Variants in PTPRJ observed in about 807,000 individuals in gnomAD.
The protein encoded by PTPRJ is protein tyrosine phosphatase receptor type J.
A neutral mutation model predicts 141.3 loss-of-function variants in PTPRJ; 129 were observed. That is an observed-to-expected ratio of 0.91 (90% CI 0.79 to 1.06). The LOEUF (loss-of-function observed/expected upper bound fraction) is 1.06, where lower values mean the gene tolerates loss of function less well. PTPRJ is among the 50% of genes least tolerant of loss of function. The pLI is 0.00. For missense variants in PTPRJ, 1,601 were observed against 1,679.7 expected, an observed-to-expected ratio of 0.95 and a Z score of 0.82; for synonymous variants, 610 against 640.5, an observed-to-expected ratio of 0.95 and a Z score of 0.72.
chr11:48,026,729 T>A (rs1853822837), intron 1 of PTPRJ, among the ~76,000 whole-genome samples: 1 of 152,040 alleles, frequency 6.6e-6, no homozygotes, highest in African/African-American at 2.4e-5. Context: ...ATTACAGGTG[T>A]GAGCCACCGT....
At chr11:48,099,723 T>G (rs1202795726) in intron 1 of PTPRJ, among the ~76,000 whole-genome samples, 4 of 152,184 alleles carry the variant, frequency 2.6e-5, no homozygotes, top group Middle Eastern at 3.2e-3. Flanking sequence ...TGAGAGTACC[T>G]GCCCAATGTG....
rs775083245 is a variant in PTPRJ, at chr11:48,131,463, G to A, written c.1615+747G>A. 11 of 767,944 alleles carry A rather than the reference G, an allele frequency of 1.4e-5. No homozygotes were observed. The East Asian group carries it at 2.0e-4, about 14-fold the overall frequency. The allele number at this position is 767,944 out of a possible 1,614,324, so 47.6% of individuals were successfully genotyped here. A position where few individuals can be genotyped will look rare whatever the true frequency, so the allele number is the denominator to read the frequency against. ...TTGTAATCTGCCTTTTCCCCAACTT[G>A]CCAATTAATTATGAATATTCTTTCC... On this transcript the variant is annotated intron_variant, in intron 8 of 24. Transcript: ENST00000418331.
At chr11:47,990,268 A>G (rs1374391502) in intron 1 of PTPRJ, among the ~76,000 whole-genome samples, 1 of 152,194 alleles carries the variant, frequency 6.6e-6, no homozygotes, top group African/African-American at 2.4e-5. Flanking sequence ...AGAACAATGT[A>G]TATATAATGT....
intron 1 of PTPRJ, among the ~76,000 whole-genome samples, chr11:48,006,972 T>C (rs11039489): frequency 0.011 from 1,623 of 152,298 alleles, 25 homozygotes; most frequent in African/African-American, 0.037. Flanking sequence ...TGATAAAGGT[T>C]AGATGATTTT....
rs746215059 is a variant in PTPRJ, at chr11:48,156,026, T to C, written c.3345T>C (p.Pro1115=). The stretch of plus-strand genomic sequence containing the variant: ...AAGATTTTATTGCCACACAAGGACC[T>C]TTACCGAACACTTTGAAAGATTTTT... ...SKKDFIATQG[P]LPNTLKDFWR... Residue 1115 remains proline (P), a synonymous_variant, in exon 21 of 25, where the codon CCT becomes CCC. Coordinates refer to ENST00000418331, the MANE Select transcript of PTPRJ (RefSeq NM_002843.4). 1 of 1,607,582 alleles carries C rather than the reference T, an allele frequency of 6.2e-7. No homozygotes were observed. The highest frequency in any genetic ancestry group is 1.7e-5 in the Admixed American group (1 of 60,016).
chr11:48,075,597 TTG>T (rs374518540), intron 1 of PTPRJ, among the ~76,000 whole-genome samples: 1 of 150,958 alleles, frequency 6.6e-6, no homozygotes. Context: ...TAAATTTTTT[TTG>T]TGTGTGTGTG....
At chr11:48,103,301 A>G (rs1485463072) in intron 1 of PTPRJ, among the ~76,000 whole-genome samples, 1 of 152,138 alleles carries the variant, frequency 6.6e-6, no homozygotes, top group Non-Finnish European at 1.5e-5. Context: ...TCTACAAAAA[A>G]CAAAAATATT....
intron 22 of PTPRJ, among the ~76,000 whole-genome samples, chr11:48,161,839 C>T (rs1313328356): frequency 6.6e-6 from 1 of 152,062 alleles, no homozygotes; most frequent in Non-Finnish European, 1.5e-5. Flanking sequence ...TGGTCTTGAA[C>T]ACCTGACCTT....
rs553439665 is a variant in PTPRJ at position 48,102,545 on chromosome 11, A to T, written c.97-7513A>T. On this transcript the variant is annotated intron_variant, in intron 1 of 24. Coordinates refer to ENST00000418331, the MANE Select transcript of PTPRJ (RefSeq NM_002843.4). ...TGCGTCAGCCTCCCGAGTAGCTAGG[A>T]TTACAGGCCACCATGCCCAGCTAAT... Among the ~76,000 whole-genome samples, 5 of 151,956 alleles carry T rather than the reference A, an allele frequency of 3.3e-5. No individual in the cohort carries two copies. In the South Asian group the frequency reaches 8.3e-4, roughly 25 times the overall value.
At chr11:48,007,468 C>T (rs1364501428) in intron 1 of PTPRJ, among the ~76,000 whole-genome samples, 1 of 151,770 alleles carries the variant, frequency 6.6e-6, no homozygotes, top group Non-Finnish European at 1.5e-5. Flanking sequence ...AGTGCAGTGG[C>T]ACAATCTTGG....
chr11:48,126,815 C>T (rs1046887954), intron 6 of PTPRJ, among the ~76,000 whole-genome samples: 4 of 138,098 alleles, frequency 2.9e-5, no homozygotes, highest in African/African-American at 3.1e-5. Context: ...CACACACACA[C>T]ACACAGATAA....
Position 48,144,798 on chromosome 11 carries a change from A to C in PTPRJ, c.2699A>C (p.Glu900Ala), listed in dbSNP as rs1054768872. The change falls in exon 13 of 25, where the codon GAA becomes GCA. Residue 900 changes from glutamate to alanine, a missense_variant. Coordinates refer to ENST00000418331, the MANE Select transcript of PTPRJ (RefSeq NM_002843.4). ...AAGGGACGTTCTCAGAGCTTGTCTG[A>C]AGTTTTGAAATATGAAATTGACGTT... ...EEKGRSQSLS[E>A]VLKYEIDVGN... 3.1e-6 allele frequency: 5 copies of C among 1,614,206 alleles called. No homozygotes were observed. The highest frequency in any genetic ancestry group is 3.4e-6 in the Non-Finnish European group (4 of 1,180,012).
chr11:47,998,813 A>G (rs1199823013), intron 1 of PTPRJ, among the ~76,000 whole-genome samples: 1 of 152,164 alleles, frequency 6.6e-6, no homozygotes, highest in African/African-American at 2.4e-5. Context: ...TACTTGAATA[A>G]TCTGTCTCAG....
intron 1 of PTPRJ, among the ~76,000 whole-genome samples, chr11:48,053,254 TATATA>T (rs1167813885): frequency 1.2e-5 from 1 of 84,814 alleles, no homozygotes; most frequent in Non-Finnish European, 2.0e-5. Context: ...TTATATAATA[TATATA>T]ATATATTATA....
intron 1 of PTPRJ, among the ~76,000 whole-genome samples, chr11:48,056,227 G>T (rs555662617): frequency 1.3e-5 from 2 of 152,124 alleles, no homozygotes; most frequent in African/African-American, 4.8e-5. Flanking sequence ...GAAGTTAGAC[G>T]CACACATAAT....
chr11:48,139,892 T>G lies in PTPRJ; in HGVS notation c.2443+116T>G, dbSNP rs1857193483. On this transcript the variant is annotated intron_variant, in intron 11 of 24. Coordinates refer to ENST00000418331, the MANE Select transcript of PTPRJ (RefSeq NM_002843.4). The stretch of plus-strand genomic sequence containing the variant: ...TCTGTTTTTGTTTTTTTATTTCCCC[T>G]AAAATATTTGCTTTTACTGACATAG... The G allele has an allele frequency of 2.7e-6, 3 of 1,127,492 alleles. No individual in the cohort carries two copies. The African/African-American group carries it at 4.7e-5, about 18-fold the overall frequency. 69.8% of individuals were successfully genotyped at this position (1,127,492 alleles called of 1,614,324 possible). A position where few individuals can be genotyped will look rare whatever the true frequency, so the allele number is the denominator to read the frequency against.
At chr11:48,009,877 G>A (rs1211175439) in intron 1 of PTPRJ, among the ~76,000 whole-genome samples, 1 of 152,178 alleles carries the variant, frequency 6.6e-6, no homozygotes, top group Non-Finnish European at 1.5e-5. Flanking sequence ...CATGTGCCGT[G>A]GCTCTGATCA....
intron 1 of PTPRJ, among the ~76,000 whole-genome samples, chr11:48,086,467 C>T (rs907094298): frequency 6.6e-6 from 1 of 152,220 alleles, no homozygotes; most frequent in African/African-American, 2.4e-5. Context: ...CCACCGTGCC[C>T]AGCCCAGAAA....
intron 1 of PTPRJ, among the ~76,000 whole-genome samples, chr11:48,072,594 A>G (rs932277739): frequency 3.9e-5 from 6 of 152,194 alleles, no homozygotes; most frequent in African/African-American, 1.4e-4. Context: ...AATCATTTGA[A>G]TAGAGATAGC....
Sources: allele counts gnomAD v4.1 joint callset (sites outside exome capture counted in the v4.1 genomes callset), GRCh38; gene constraint gnomAD v4.1.1; transcripts MANE v1.5; gene names NCBI Gene and HGNC (gene_info 2026-07-23, HGNC 2026-07-21).